Variants in ANO6 observed in about 807,000 individuals in gnomAD.
ANO6 encodes anoctamin 6, also known as anoctamin-6.
ANO6 carries 106 observed loss-of-function variants against 117.5 expected under a neutral mutation model. The observed-to-expected ratio is 0.90, with a 90% CI of 0.77 to 1.06. The LOEUF (loss-of-function observed/expected upper bound fraction) is 1.06, where lower values mean the gene tolerates loss of function less well. ANO6 is among the 50% of genes least tolerant of loss of function. The probability of loss-of-function intolerance (pLI) is 0.00; values close to 1 mark genes in which losing one functional copy is unlikely to be tolerated. For synonymous variants in ANO6, 367 were observed against 385.1 expected, an observed-to-expected ratio of 0.95 and a Z score of 0.55; for missense variants, 955 against 1,121.1, an observed-to-expected ratio of 0.85 and a Z score of 2.12.
chr12:45,296,066 G>C (rs1939283918), intron 1 of ANO6, among the ~76,000 whole-genome samples: 1 of 152,014 alleles, frequency 6.6e-6, no homozygotes, highest in Non-Finnish European at 1.5e-5. Flanking sequence ...TCACTACATT[G>C]CCCAGGCTGG....
chr12:45,239,817 A>G (rs1947709828), intron 1 of ANO6, among the ~76,000 whole-genome samples: 1 of 152,052 alleles, frequency 6.6e-6, no homozygotes. Flanking sequence ...TTCAGTTTCC[A>G]TGTAGTTGTG....
chr12:45,332,331 C>CAA (rs1491476445), intron 3 of ANO6, among the ~76,000 whole-genome samples: 1 of 150,386 alleles, frequency 6.6e-6, no homozygotes, highest in African/African-American at 2.4e-5. Flanking sequence ...CACACACACA[C>CAA]AAAACTTTAA....
downstream of ANO6, among the ~76,000 whole-genome samples, chr12:45,436,908 G>A (rs1943713468): frequency 6.6e-6 from 1 of 152,180 alleles, no homozygotes; most frequent in African/African-American, 2.4e-5. Context: ...AGAGGTTACA[G>A]TGAGCTGAAA....
intron 1 of ANO6, among the ~76,000 whole-genome samples, chr12:45,286,122 T>C (rs1471085445): frequency 6.6e-6 from 1 of 152,174 alleles, no homozygotes; most frequent in Non-Finnish European, 1.5e-5. Flanking sequence ...CTTCCCTGTT[T>C]TACCTCTGAG....
chr12:45,230,753 G>C (rs927196532), intron 1 of ANO6, among the ~76,000 whole-genome samples: 3 of 152,102 alleles, frequency 2.0e-5, no homozygotes, highest in Non-Finnish European at 4.4e-5. Flanking sequence ...AAAGTGTCTT[G>C]TATTAAGGTC....
At chr12:45,291,107 A>G (rs946392544) in intron 1 of ANO6, among the ~76,000 whole-genome samples, 4 of 152,200 alleles carry the variant, frequency 2.6e-5, no homozygotes, top group Non-Finnish European at 2.9e-5. Context: ...AGCAACGTTC[A>G]ATCCCACCTC....
Position 45,290,683 on chromosome 12 carries a change from T to C in ANO6, c.71-11331T>C, listed in dbSNP as rs562072732. 1.2e-3 allele frequency among the ~76,000 whole-genome samples: 178 copies of C among 152,328 alleles called. 1 individual carries two copies. Among genetic ancestry groups the C allele is most frequent in the African/African-American group, 3.5e-3 (146 of 41,564 alleles). On this transcript the variant is annotated intron_variant, in intron 1 of 19. Coordinates refer to ENST00000320560, the MANE Select transcript of ANO6 (RefSeq NM_001025356.3). ...TAAACCAGGCTTTTAAAATACCAAA[T>C]TGGCAAAATTAAATAATATTACTCT...
At chr12:45,368,533 T>C (rs1231682887) in intron 9 of ANO6, among the ~76,000 whole-genome samples, 3 of 152,228 alleles carry the variant, frequency 2.0e-5, no homozygotes, top group Admixed American at 6.5e-5. Context: ...TACATGCAGA[T>C]GGTCGTGAGC....
At chr12:45,277,369 C>T (rs1392478539) in intron 1 of ANO6, among the ~76,000 whole-genome samples, 2 of 152,154 alleles carry the variant, frequency 1.3e-5, no homozygotes, top group African/African-American at 4.8e-5. Context: ...TGTAAATCTC[C>T]TCTCAGTGTA....
Position 45,388,272 on chromosome 12 carries a change from G to A in ANO6, c.1277G>A (p.Cys426Tyr). 3 of 1,614,108 alleles carry A rather than the reference G, an allele frequency of 1.9e-6. No individual in the cohort carries two copies. The highest frequency in any genetic ancestry group is 2.2e-5 in the East Asian group (1 of 44,872). Reference protein sequence around the residue: ...EQARPEYEARCTHVVINEITQ... With the variant: ...EQARPEYEARYTHVVINEITQ... ...GCCCGACCAGAATACGAAGCACGAT[G>A]TACTCACGTAGTGATAAATGAGATT... Residue 426 changes from cysteine (C) to tyrosine (Y), a missense_variant, in exon 11 of 20, where the codon TGT becomes TAT. Transcript: ENST00000320560.
At chr12:45,347,256 T>C (rs1565708143) in intron 4 of ANO6, 169 bp downstream of exon 4, 1 of 629,188 alleles carries the variant, frequency 1.6e-6, no homozygotes, top group African/African-American at 1.8e-5. Context: ...TATTCTTTTT[T>C]TCTGATCAAA....
In ANO6 at chr12:45,432,271, ATTAT is replaced by A. The variant is rs199709607; in HGVS notation, c.*2962_*2965del. 8.9e-5 allele frequency: 84 copies of A among 940,992 alleles called. No individual in the cohort carries two copies. In the East Asian group the frequency reaches 3.2e-3, roughly 36 times the overall value. The allele number at this position is 940,992 out of a possible 1,614,324, so 58.3% of individuals were successfully genotyped here. On this transcript the variant is annotated 3_prime_UTR_variant, in exon 20 of 20. Coordinates refer to ENST00000320560, the MANE Select transcript of ANO6 (RefSeq NM_001025356.3). ...CTGTGCATTTTAATATTCTTTTATA[ATTAT>A]TAATGTTAATTTCTGTGCATTTTAA... is the stretch of plus-strand genomic sequence containing the variant.
At chr12:45,357,491 C>T in intron 8 of ANO6, 67 bp downstream of exon 8, 1 of 1,585,702 alleles carries the variant, frequency 6.3e-7, no homozygotes, top group Non-Finnish European at 8.6e-7. Context: ...TTTTCATGGT[C>T]TTAAACTGTT....
chr12:45,432,470 A>G (rs2137746765), downstream of ANO6: 2 of 276,160 alleles, frequency 7.2e-6, no homozygotes, highest in Middle Eastern at 1.9e-3. Flanking sequence ...GATTTTTCAC[A>G]GCCTTCACTT....
At chr12:45,389,592 T>C (rs1942387800) in intron 11 of ANO6, among the ~76,000 whole-genome samples, 3 of 152,244 alleles carry the variant, frequency 2.0e-5, no homozygotes, top group Non-Finnish European at 4.4e-5. Flanking sequence ...TGGTTATTCC[T>C]CGTTTCACTT....
intron 10 of ANO6, 125 bp from the exon 11 acceptor site, chr12:45,388,036 A>G: frequency 1.6e-6 from 2 of 1,256,670 alleles, no homozygotes; most frequent in Non-Finnish European, 2.3e-6. Flanking sequence ...TACCCAGTCC[A>G]GGTAGTTCTT....
chr12:45,390,983 A>T (rs777633118), intron 12 of ANO6, among the ~76,000 whole-genome samples: 3 of 152,016 alleles, frequency 2.0e-5, no homozygotes, highest in Non-Finnish European at 2.9e-5. Flanking sequence ...TAGCCAGGCA[A>T]GGTGTCACAC....
In ANO6 at chr12:45,324,535, G is replaced by C. The variant is rs147053555; in HGVS notation, c.151-6760G>C. 3.5e-3 allele frequency among the ~76,000 whole-genome samples: 536 copies of C among 152,244 alleles called. 1 individual carries two copies. Among genetic ancestry groups the C allele is most frequent in the Non-Finnish European group, 5.6e-3 (379 of 68,024 alleles). ...GCCCAGGGGTACATGTGACATAAGC[G>C]GTTGACTAGGGAATTACAGATTATG... On this transcript the variant is annotated intron_variant, in intron 2 of 19. Coordinates refer to ENST00000320560, the MANE Select transcript of ANO6 (RefSeq NM_001025356.3).
intron 1 of ANO6, among the ~76,000 whole-genome samples, chr12:45,242,272 C>T (rs921173594): frequency 1.3e-5 from 2 of 152,256 alleles, no homozygotes; most frequent in African/African-American, 4.8e-5. Flanking sequence ...CTACTCAAGC[C>T]TCAGCAATGG....
Sources: allele counts gnomAD v4.1 joint callset (sites outside exome capture counted in the v4.1 genomes callset), GRCh38; gene constraint gnomAD v4.1.1; transcripts MANE v1.5; gene names NCBI Gene and HGNC (gene_info 2026-07-23, HGNC 2026-07-21).